Variants in DDAH1 observed in about 807,000 individuals in gnomAD.
DDAH1 encodes the protein dimethylarginine dimethylaminohydrolase 1, also known as N(G),N(G)-dimethylarginine dimethylaminohydrolase 1.
Under a neutral mutation model 28.8 loss-of-function variants are expected in DDAH1, and 19 were observed. The observed-to-expected ratio is 0.66, with a 90% CI of 0.46 to 0.97. DDAH1 has a LOEUF of 0.97. DDAH1 is among the 50% of genes least tolerant of loss of function. The probability of loss-of-function intolerance (pLI) is 0.00; values close to 1 mark genes in which losing one functional copy is unlikely to be tolerated. For synonymous variants in DDAH1, 153 were observed against 154.4 expected (o/e 0.99, Z 0.07); for missense variants, 326 against 375.9 (o/e 0.87, Z 1.10).
intron 4 of DDAH1, among the ~76,000 whole-genome samples, chr1:85,337,719 T>C (rs941626643): frequency 6.6e-6 from 1 of 152,216 alleles, no homozygotes; most frequent in Admixed American, 6.5e-5. Context: ...CCCAAAGTCC[T>C]GGCATGAGCC....
intron 1 of DDAH1, among the ~76,000 whole-genome samples, chr1:85,387,933 T>C (rs1044426689): frequency 3.3e-5 from 5 of 152,126 alleles, no homozygotes; most frequent in Non-Finnish European, 7.4e-5. Context: ...TGTGCAGACA[T>C]CACATGGTGA....
intron 1 of DDAH1, among the ~76,000 whole-genome samples, chr1:85,372,888 G>A (rs1353348313): frequency 1.3e-5 from 2 of 151,990 alleles, no homozygotes; most frequent in African/African-American, 2.4e-5. Context: ...ATTATAGATC[G>A]GGTGCATTCC....
intron 1 of DDAH1, among the ~76,000 whole-genome samples, chr1:85,403,262 T>C (rs1652241447): frequency 6.6e-6 from 1 of 151,742 alleles, no homozygotes; most frequent in Non-Finnish European, 1.5e-5. Context: ...CACATGCATG[T>C]ACACATATAT....
At position 85,511,913 on chromosome 1, in the gene DDAH1, C is replaced by T. The variant is rs571706255; in HGVS notation, c.-122-15632G>A. ...AGATGGATTCACAGCCGAATTCTAC[C>T]AGAGGTACAAAGAGGAGCTAGCACC... On this transcript the variant is annotated intron_variant, in intron 1 of 6. Coordinates refer to the DDAH1 transcript ENST00000426972. Among the ~76,000 whole-genome samples the T allele has an allele frequency of 3.3e-5, 5 of 152,250 alleles. No homozygotes were observed. The East Asian group carries it at 9.6e-4, about 29-fold the overall frequency.
intron 1 of DDAH1, among the ~76,000 whole-genome samples, chr1:85,509,476 C>T (rs61785201): frequency 0.13 from 20,472 of 152,144 alleles, 1,453 homozygotes; most frequent in Non-Finnish European, 0.16. Context: ...CAAAGCTGGA[C>T]AGAGAATGAC....
At position 85,406,497 on chromosome 1, in the gene DDAH1, T is replaced by C. The variant is rs544574568; in HGVS notation, c.304-47650A>G. Among the ~76,000 whole-genome samples the C allele has an allele frequency of 4.0e-4, 61 of 152,250 alleles. No homozygotes were observed. The South Asian group carries it at 0.012, about 31-fold the overall frequency. ...TCATGAAGTCCAAAGAGAAAAGAAA[T>C]GAAACAACTATTATGTTTTAAAACT... On this transcript the variant is annotated intron_variant, in intron 1 of 5. Transcript: ENST00000284031.
intron 1 of DDAH1, among the ~76,000 whole-genome samples, chr1:85,388,605 T>C (rs1409545052): frequency 6.6e-6 from 1 of 152,188 alleles, no homozygotes; most frequent in Non-Finnish European, 1.5e-5. Context: ...CTTAATAAAG[T>C]GTAAAATGAC....
chr1:85,554,276 GTT>G (rs368410411), intron 1 of DDAH1, among the ~76,000 whole-genome samples: 9 of 110,710 alleles, frequency 8.1e-5, no homozygotes, highest in Admixed American at 9.9e-5. Context: ...AATTGTAAGA[GTT>G]TTTTTTTTTT....
intron 1 of DDAH1, among the ~76,000 whole-genome samples, chr1:85,369,940 A>C (rs1650289874): frequency 6.6e-6 from 1 of 152,206 alleles, no homozygotes; most frequent in Non-Finnish European, 1.5e-5. Context: ...GAGCCAGTGC[A>C]AAGGCCCTAA....
At chr1:85,523,882 CTA>C (rs1385352707) in intron 1 of DDAH1, among the ~76,000 whole-genome samples, 2 of 152,142 alleles carry the variant, frequency 1.3e-5, no homozygotes, top group Non-Finnish European at 2.9e-5. Context: ...AAAGTTAACT[CTA>C]TGAACACAAA....
intron 1 of DDAH1, among the ~76,000 whole-genome samples, chr1:85,445,637 G>A (rs1009825594): frequency 1.3e-5 from 2 of 152,172 alleles, no homozygotes; most frequent in African/African-American, 2.4e-5. Context: ...TTGAGACAGG[G>A]TCTTGCTCTG....
In DDAH1 at chr1:85,526,039, T is replaced by C. The variant is rs529800710; in HGVS notation, c.-122-29758A>G. Among the ~76,000 whole-genome samples, 17 of 152,340 alleles carry C rather than the reference T, an allele frequency of 1.1e-4. No homozygotes were observed. The East Asian group carries it at 2.5e-3, about 22-fold the overall frequency. ...GCTCCTCTGTTTCAGAATGGCCATG[T>C]GAAAATTCTGCCACAGATTTTGAAG... On this transcript the variant is annotated intron_variant, in intron 1 of 6. Transcript: ENST00000426972.
chr1:85,363,868 A>G (rs1051675829), intron 1 of DDAH1, among the ~76,000 whole-genome samples: 1 of 151,064 alleles, frequency 6.6e-6, no homozygotes, highest in Non-Finnish European at 1.5e-5. Context: ...TGTCATGTGA[A>G]TAACATCTCA....
chr1:85,408,866 G>C (rs1036985957), intron 1 of DDAH1, among the ~76,000 whole-genome samples: 2 of 152,146 alleles, frequency 1.3e-5, no homozygotes, highest in Non-Finnish European at 2.9e-5. Context: ...TTGCCAGAAA[G>C]GGGCCTTGTC....
chr1:85,558,850 C>G (rs891030458), intron 1 of DDAH1, among the ~76,000 whole-genome samples: 4 of 152,038 alleles, frequency 2.6e-5, no homozygotes, highest in Admixed American at 2.6e-4. Context: ...TTTTGCTCTG[C>G]TTTTGTTTAA....
intron 4 of DDAH1, among the ~76,000 whole-genome samples, chr1:85,345,639 C>A (rs1027033235): frequency 6.6e-6 from 1 of 152,060 alleles, no homozygotes; most frequent in East Asian, 1.9e-4. Context: ...CCGAGGCAGG[C>A]AGATCACTTG....
chr1:85,399,890 G>A (rs1336849584), intron 1 of DDAH1: 1 of 152,046 alleles, frequency 6.6e-6, no homozygotes, highest in Non-Finnish European at 1.5e-5. Context: ...TCAACTCACT[G>A]GCAAATTTAT....
At chr1:85,414,630 A>C (rs1296177702) in intron 1 of DDAH1, among the ~76,000 whole-genome samples, 1 of 152,198 alleles carries the variant, frequency 6.6e-6, no homozygotes, top group Non-Finnish European at 1.5e-5. Context: ...TTTCTCTTCC[A>C]CTTTCTAAGA....
chr1:85,501,391 C>T (rs1656813431), intron 1 of DDAH1, among the ~76,000 whole-genome samples: 1 of 152,126 alleles, frequency 6.6e-6, no homozygotes, highest in African/African-American at 2.4e-5. Context: ...GTTTTGTGCA[C>T]CTTCTGGAAT....
Sources: gnomAD v4.1 joint callset for allele counts (sites outside exome capture counted in the v4.1 genomes callset) on GRCh38, gnomAD v4.1.1 for gene constraint, MANE v1.5 for transcripts, NCBI Gene and HGNC (gene_info 2026-07-23, HGNC 2026-07-21) for gene names.